Variants in CASP1 observed in about 807,000 individuals in gnomAD.
CASP1 encodes caspase 1, also known as caspase-1.
In CASP1, 31 loss-of-function variants were observed where a neutral mutation model predicts 41.2. The ratio of observed to expected loss-of-function variants is 0.75; its 90% CI spans 0.57 to 1.02. The LOEUF is 1.02. Ranked by LOEUF, CASP1 falls within the 50% of genes least tolerant of loss-of-function variation. CASP1 has a pLI of 0.00. For missense variants in CASP1, 490 were observed against 495.7 expected, an observed-to-expected ratio of 0.99 and a Z score of 0.11; for synonymous variants, 163 against 166.5, an observed-to-expected ratio of 0.98 and a Z score of 0.16.
At chr11:105,026,625 G>A (rs1377992847) in intron 8 of CASP1, 22 of 600,570 alleles carry the variant, frequency 3.7e-5, no homozygotes, top group Admixed American at 1.8e-4. Flanking sequence ...GGGCAGGAGC[G>A]GGGTGAAACT....
rs1031016918 is a variant in CASP1, at chr11:105,031,157, C to A, written c.453+8G>T. 1 of 1,534,640 alleles carries A rather than the reference C, an allele frequency of 6.5e-7. No homozygotes were observed. The highest frequency in any genetic ancestry group is 1.7e-5 in the Admixed American group (1 of 59,724). ...CCCCACTCTATCCTTGGGTTCTGAG[C>A]ATGGCACCTCTGCCGACTTTTGTTT... On this transcript the variant is annotated splice_region_variant and intron_variant, in intron 4 of 8. Coordinates refer to ENST00000533400, the MANE Select transcript of CASP1 (RefSeq NM_001257118.3).
rs775408300 is a variant in CASP1, at chr11:105,026,270, G to A, written c.1203C>T (p.Phe401=). 19 of 1,599,598 alleles carry A rather than the reference G, an allele frequency of 1.2e-5. No individual in the cohort carries two copies. Among genetic ancestry groups the A allele is most frequent in the Non-Finnish European group, 1.2e-5 (14 of 1,167,428 alleles). The change falls in exon 9 of 9, where the codon TTC becomes TTT. Residue 401 remains phenylalanine (F), a synonymous_variant. Coordinates refer to ENST00000533400, the MANE Select transcript of CASP1 (RefSeq NM_001257118.3). ...CAGTTTCCTTATTTTAATGTCCTGG[G>A]AAGAGGTAGAAACATCTTGTCAAAG... ...RVTLTRCFYL[F]PGH is the part of the protein sequence containing the mutation.
At chr11:105,033,595 C>T (rs552069632) in intron 2 of CASP1, among the ~76,000 whole-genome samples, 2 of 152,216 alleles carry the variant, frequency 1.3e-5, no homozygotes, top group East Asian at 3.9e-4. Context: ...GGAGGATTTC[C>T]AGGCCTCACA....
chr11:105,029,921 A>AT, intron 5 of CASP1, 22 bp from the exon 6 acceptor site: 1 of 1,501,714 alleles, frequency 6.7e-7, no homozygotes, highest in Non-Finnish European at 9.3e-7. Flanking sequence ...CATATCACTG[A>AT]TTTTCGACTA....
intron 4 of CASP1, 167 bp downstream of exon 4, chr11:105,030,998 A>T: frequency 1.8e-6 from 1 of 570,426 alleles, no homozygotes; most frequent in South Asian, 2.1e-5. Context: ...ACCTCTTTCT[A>T]TAAACCTGGG....
chr11:105,029,021 A>C (rs1565403176), intron 7 of CASP1, 103 bp downstream of exon 7: 1 of 1,085,162 alleles, frequency 9.2e-7, no homozygotes. Flanking sequence ...CTTGGAACAA[A>C]GCTTGAGTTG....
chr11:105,026,443 C>G (rs1863291535), intron 8 of CASP1, 87 bp from the exon 9 acceptor site: 3 of 780,900 alleles, frequency 3.8e-6, no homozygotes, highest in Non-Finnish European at 6.5e-6. Context: ...AAAACTACAA[C>G]AAATATAGCA....
chr11:105,027,027 T>G (rs1863350092), intron 7 of CASP1, 76 bp from the exon 8 acceptor site: 1 of 836,162 alleles, frequency 1.2e-6, no homozygotes, highest in African/African-American at 1.7e-5. Context: ...GTATTTATAC[T>G]CCAGCTGAGG....
chr11:105,025,724 ATGTTTAAATATACCC>A lies in CASP1; in HGVS notation c.*519_*533del, dbSNP rs1478494867. On this transcript the variant is annotated 3_prime_UTR_variant, in exon 9 of 9. Coordinates refer to ENST00000533400, the MANE Select transcript of CASP1 (RefSeq NM_001257118.3). The stretch of plus-strand genomic sequence containing the variant: ...ATTTTAAAAGGAAAGACCACATGCT[ATGTTTAAATATACCC>A]TGCTGAGGTGAAGGAGAGAAACATC... 1 of 323,242 alleles carries A rather than the reference ATGTTTAAATATACCC, an allele frequency of 3.1e-6. No individual in the cohort carries two copies. The highest frequency in any genetic ancestry group is 5.9e-6 in the Non-Finnish European group (1 of 168,076). The allele number at this position is 323,242 out of a possible 1,614,324, so 20.0% of individuals were successfully genotyped here. A position where few individuals can be genotyped will look rare whatever the true frequency, so the allele number is the denominator to read the frequency against.
rs767742208 is a variant in CASP1 at position 105,026,240 on chromosome 11, T to C, written c.*18A>G. ...TACACATGTACCTGCCCACAGACAT[T>C]CATACAGTTTCCTTATTTTAATGTC... On this transcript the variant is annotated 3_prime_UTR_variant, in exon 9 of 9. Coordinates refer to ENST00000533400, the MANE Select transcript of CASP1 (RefSeq NM_001257118.3). 2.0e-6 allele frequency: 3 copies of C among 1,498,298 alleles called. No individual in the cohort carries two copies. In the African/African-American group the frequency reaches 4.1e-5, roughly 21 times the overall value. The allele number at this position is 1,498,298 out of a possible 1,614,324, so 92.8% of individuals were successfully genotyped here.
intron 4 of CASP1, 200 bp downstream of exon 4, chr11:105,030,965 C>T (rs968050583): frequency 1.1e-5 from 6 of 526,948 alleles, no homozygotes; most frequent in African/African-American, 1.9e-5. Flanking sequence ...ATGTTATTTA[C>T]CCCGGAAGTG....
At chr11:105,030,743 T>C (rs1284232924) in intron 4 of CASP1, 2 of 454,760 alleles carry the variant, frequency 4.4e-6, no homozygotes, top group Non-Finnish European at 7.8e-6. Context: ...TTTTGAAAGA[T>C]GCACAAGCTT....
rs1465488895 is a variant in CASP1 at position 105,030,325 on chromosome 11, C to G, written c.627+5G>C. 6.2e-7 allele frequency: 1 copy of G among 1,608,864 alleles called. No individual in the cohort carries two copies. The highest frequency in any genetic ancestry group is 1.3e-5 in the African/African-American group (1 of 74,666). ...CCATTGTTTCTGTTGTATAATAGAA[C>G]TTACCGAAGCAGTGAGATTTTTTTT... On this transcript the variant is annotated splice_donor_5th_base_variant and intron_variant, in intron 5 of 8. Transcript: ENST00000533400.
At chr11:105,030,952 C>T (rs756724070) in intron 4 of CASP1, 3 of 509,114 alleles carry the variant, frequency 5.9e-6, no homozygotes, top group Non-Finnish European at 1.1e-5. Context: ...GCTGTCATCA[C>T]TGATGTTATT....
chr11:105,032,261 T>C (rs571265535), intron 3 of CASP1, among the ~76,000 whole-genome samples: 34 of 152,292 alleles, frequency 2.2e-4, no homozygotes, highest in African/African-American at 8.2e-4. Flanking sequence ...ATTTGTTGGA[T>C]AAAATGTTGG....
At chr11:105,030,611 C>T (rs1863631670) in intron 4 of CASP1, 108 bp from the exon 5 acceptor site, 2 of 871,506 alleles carry the variant, frequency 2.3e-6, no homozygotes, top group Non-Finnish European at 3.5e-6. Context: ...GATACCAAAC[C>T]CCATGAACCA....
Position 105,034,383 on chromosome 11 carries a change from C to G in CASP1, c.99G>C (p.Arg33Ser), listed in dbSNP as rs757972233. 1.5e-5 allele frequency: 25 copies of G among 1,614,140 alleles called. No individual in the cohort carries two copies. Among genetic ancestry groups the G allele is most frequent in the African/African-American group, 8.0e-5 (6 of 75,038 alleles). ...TCTCCATCTCTTCCTTGTTCAGCAC[C>G]CTTGTCTGTAATAATTCATCCAGTA... ...NGLLDELLQT[R>S]VLNKEEMEKV... Residue 33 changes from arginine (R) to serine (S), a missense_variant, in exon 2 of 9, where the codon AGG becomes AGC. Physicochemically the swap from Arg to Ser is moderately radical, Grantham distance 110 (BLOSUM62 -1). Transcript: ENST00000533400.
chr11:105,025,965 AGAT>A lies in CASP1; in HGVS notation c.*290_*292del, dbSNP rs1202320249. The A allele has an allele frequency of 3.6e-6, 1 of 278,110 alleles. No homozygotes were observed. Among genetic ancestry groups the A allele is most frequent in the Non-Finnish European group, 6.8e-6 (1 of 146,724 alleles). 17.2% of individuals were successfully genotyped at this position (278,110 alleles called of 1,614,324 possible). A position where few individuals can be genotyped will look rare whatever the true frequency, so the allele number is the denominator to read the frequency against. ...TGCTACCAGAAGTATTTCAAATTTCAGATATTTTTGTATATTGGAATTCAGCTG... is the reference window on the plus strand; with the variant it reads ...TGCTACCAGAAGTATTTCAAATTTCAATTTTTGTATATTGGAATTCAGCTG... On this transcript the variant is annotated 3_prime_UTR_variant, in exon 9 of 9. Transcript: ENST00000533400.
In CASP1 at chr11:105,025,637, G is replaced by C. The variant is rs1348319463; in HGVS notation, c.*621C>G. ...AGAAATAATTAAAAAAAAAAACATA[G>C]GAAAGAATTTTGTTAAAGACATGCA... On this transcript the variant is annotated 3_prime_UTR_variant, in exon 9 of 9. Coordinates refer to ENST00000533400, the MANE Select transcript of CASP1 (RefSeq NM_001257118.3). The C allele has an allele frequency of 2.6e-6, 1 of 381,648 alleles. No homozygotes were observed. The highest frequency in any genetic ancestry group is 2.0e-5 in the South Asian group (1 of 50,456). 23.6% of individuals were successfully genotyped at this position (381,648 alleles called of 1,614,324 possible). A position where few individuals can be genotyped will look rare whatever the true frequency, so the allele number is the denominator to read the frequency against.
Sources: allele counts gnomAD v4.1 joint callset (sites outside exome capture counted in the v4.1 genomes callset), GRCh38; gene constraint gnomAD v4.1.1; transcripts MANE v1.5; gene names NCBI Gene and HGNC (gene_info 2026-07-23, HGNC 2026-07-21).